Variants in PCDH9 observed in about 807,000 individuals in gnomAD.
PCDH9 encodes the protein protocadherin-9.
A neutral mutation model predicts 70.6 loss-of-function variants in PCDH9; 24 were observed. The ratio of observed to expected loss-of-function variants is 0.34; its 90% CI spans 0.25 to 0.48. PCDH9 has a LOEUF of 0.48. Among genes scored for constraint, PCDH9 ranks in the 20% least tolerant of loss-of-function variants. PCDH9 has a pLI of 0.99. For synonymous variants in PCDH9, 562 were observed against 558.5 expected (o/e 1.01, Z -0.09); for missense variants, 1,281 against 1,503.6 (o/e 0.85, Z 2.45).
At chr13:66,386,196 C>T (rs2138255740) in intron 4 of PCDH9, among the ~76,000 whole-genome samples, 1 of 152,210 alleles carries the variant, frequency 6.6e-6, no homozygotes, top group East Asian at 1.9e-4. Context: ...TGCAATTTGT[C>T]TCTAAAACTT....
chr13:67,133,869 A>G (rs1210026783), intron 2 of PCDH9, among the ~76,000 whole-genome samples: 2 of 152,254 alleles, frequency 1.3e-5, no homozygotes, highest in African/African-American at 2.4e-5. Flanking sequence ...TTAGATTCAC[A>G]TAAGAAATCC....
chr13:66,459,612 T>C (rs1958384417), intron 4 of PCDH9, among the ~76,000 whole-genome samples: 1 of 151,960 alleles, frequency 6.6e-6, no homozygotes, highest in Non-Finnish European at 1.5e-5. Context: ...GAAAAACTTG[T>C]TCTAAGAAGA....
rs565987864 is a variant in PCDH9 at position 66,916,574 on chromosome 13, T to C, written c.3037-12969A>G. 1.9e-3 allele frequency among the ~76,000 whole-genome samples: 286 copies of C among 151,654 alleles called. 4 individuals carry two copies. Among genetic ancestry groups the C allele is most frequent in the African/African-American group, 6.4e-3 (267 of 41,488 alleles). On this transcript the variant is annotated intron_variant, in intron 2 of 4. Coordinates refer to ENST00000377865, the MANE Select transcript of PCDH9 (RefSeq NM_203487.3). ...GTGAGTTTAAAATCAAATACTCTAA[T>C]AAAATGTATGTGAATACAATAAAAA...
intron 3 of PCDH9, among the ~76,000 whole-genome samples, chr13:66,668,887 T>C (rs1203896174): frequency 6.6e-6 from 1 of 152,208 alleles, no homozygotes; most frequent in Non-Finnish European, 1.5e-5. Flanking sequence ...TCTTTCATAG[T>C]AGTATTATGG....
intron 4 of PCDH9, among the ~76,000 whole-genome samples, chr13:66,544,117 G>T (rs1297919983): frequency 6.6e-6 from 1 of 152,034 alleles, no homozygotes; most frequent in Non-Finnish European, 1.5e-5. Flanking sequence ...TGATATACAG[G>T]ACCTTTGATG....
At chr13:66,633,321 T>C (rs1004358117) in intron 3 of PCDH9, among the ~76,000 whole-genome samples, 1 of 152,220 alleles carries the variant, frequency 6.6e-6, no homozygotes. Flanking sequence ...AGGTGAGTGC[T>C]ATAGAAAAGG....
At chr13:66,841,137 T>C (rs1183093286) in intron 3 of PCDH9, among the ~76,000 whole-genome samples, 1 of 152,224 alleles carries the variant, frequency 6.6e-6, no homozygotes, top group Non-Finnish European at 1.5e-5. Flanking sequence ...AGCATTTCTG[T>C]AATATCCAAA....
At chr13:66,900,475 A>G (rs778596227) in intron 3 of PCDH9, among the ~76,000 whole-genome samples, 10 of 151,906 alleles carry the variant, frequency 6.6e-5, no homozygotes, top group Non-Finnish European at 1.0e-4. Context: ...ATAAAATTGT[A>G]GCATGTTTAT....
intron 4 of PCDH9, among the ~76,000 whole-genome samples, chr13:66,578,478 T>TGATC (rs1000696379): frequency 9.2e-5 from 14 of 152,076 alleles, no homozygotes; most frequent in Non-Finnish European, 1.8e-4. Context: ...AGGTCCTGGA[T>TGATC]GATCATTCTA....
At chr13:67,005,325 G>T (rs974401640) in intron 2 of PCDH9, among the ~76,000 whole-genome samples, 2 of 152,022 alleles carry the variant, frequency 1.3e-5, no homozygotes, top group African/African-American at 4.8e-5. Flanking sequence ...ATTTGAGTTC[G>T]CTTTAAATAA....
chr13:67,159,242 C>T (rs1394064384), intron 2 of PCDH9, among the ~76,000 whole-genome samples: 4 of 152,074 alleles, frequency 2.6e-5, no homozygotes, highest in African/African-American at 7.2e-5. Context: ...TTGGTGGGTT[C>T]CTGAGACTCA....
intron 4 of PCDH9, among the ~76,000 whole-genome samples, chr13:66,407,943 G>T (rs1245366246): frequency 6.6e-6 from 1 of 151,874 alleles, no homozygotes; most frequent in African/African-American, 2.4e-5. Context: ...TATAAGTCAG[G>T]TTCACTAGAA....
chr13:66,685,248 G>A (rs898236195), intron 3 of PCDH9, among the ~76,000 whole-genome samples: 4 of 152,262 alleles, frequency 2.6e-5, no homozygotes, highest in Admixed American at 2.0e-4. Context: ...TTGCAGTCTT[G>A]AGACTATTTG....
At chr13:66,580,989 C>T (rs1056756675) in intron 4 of PCDH9, among the ~76,000 whole-genome samples, 5 of 152,100 alleles carry the variant, frequency 3.3e-5, no homozygotes, top group African/African-American at 1.2e-4. Context: ...GATCTATAGG[C>T]TACAGCCTCT....
At chr13:67,163,803 T>A (rs919619173) in intron 2 of PCDH9, among the ~76,000 whole-genome samples, 3 of 152,194 alleles carry the variant, frequency 2.0e-5, no homozygotes, top group African/African-American at 7.2e-5. Flanking sequence ...ATTCTTTTCT[T>A]ATACATGATC....
intron 2 of PCDH9, among the ~76,000 whole-genome samples, chr13:67,002,592 A>G (rs983703558): frequency 6.6e-6 from 1 of 151,800 alleles, no homozygotes; most frequent in African/African-American, 2.4e-5. Flanking sequence ...AACCCTCACC[A>G]ATTTTTAGAG....
chr13:66,918,153 C>T (rs551687672), intron 2 of PCDH9, among the ~76,000 whole-genome samples: 30 of 151,042 alleles, frequency 2.0e-4, no homozygotes, highest in Middle Eastern at 6.8e-3. Flanking sequence ...GTACAAGTTG[C>T]GAAGATACAG....
At chr13:66,347,827 C>A (rs891588199) in intron 4 of PCDH9, among the ~76,000 whole-genome samples, 8 of 152,160 alleles carry the variant, frequency 5.3e-5, no homozygotes, top group African/African-American at 1.9e-4. Flanking sequence ...TCCTGAGCTG[C>A]GAGCTATTGC....
At chr13:66,856,373 C>T (rs931813703) in intron 3 of PCDH9, among the ~76,000 whole-genome samples, 1 of 151,958 alleles carries the variant, frequency 6.6e-6, no homozygotes, top group Non-Finnish European at 1.5e-5. Flanking sequence ...GACACTGAGC[C>T]TTGCACAATA....
Sources: allele counts gnomAD v4.1 joint callset (sites outside exome capture counted in the v4.1 genomes callset), GRCh38; gene constraint gnomAD v4.1.1; transcripts MANE v1.5; gene names NCBI Gene and HGNC (gene_info 2026-07-23, HGNC 2026-07-21).